NALCN: variants seen among roughly 807,000 people sequenced by gnomAD.
The protein encoded by NALCN is sodium leak channel NALCN.
In NALCN, 111 loss-of-function variants were observed where a neutral mutation model predicts 225.3. The ratio of observed to expected loss-of-function variants is 0.49; its 90% CI spans 0.42 to 0.58. NALCN has a LOEUF of 0.58. Ranked by LOEUF, NALCN falls within the 20% of genes least tolerant of loss-of-function variation. The pLI, the probability that NALCN is intolerant of heterozygous loss-of-function variation, is 0.00. For synonymous variants in NALCN, 764 were observed against 769.0 expected, an observed-to-expected ratio of 0.99 and a Z score of 0.11; for missense variants, 1,378 against 2,202.4, an observed-to-expected ratio of 0.63 and a Z score of 7.49.
intron 15 of NALCN, among the ~76,000 whole-genome samples, chr13:101,147,281 T>C (rs1212605602): frequency 6.6e-6 from 1 of 152,166 alleles, no homozygotes; most frequent in African/African-American, 2.4e-5. Flanking sequence ...CATTCTGCGG[T>C]TATTGCCATT....
chr13:101,082,720 G>A (rs2033721417), intron 33 of NALCN, 89 bp downstream of exon 33: 1 of 1,320,968 alleles, frequency 7.6e-7, no homozygotes, highest in South Asian at 1.2e-5. Context: ...GGAACACAGA[G>A]AGGAGAGTAA....
intron 6 of NALCN, among the ~76,000 whole-genome samples, chr13:101,346,904 C>T (rs554122165): frequency 5.6e-4 from 85 of 152,266 alleles, no homozygotes; most frequent in African/African-American, 1.9e-3. Flanking sequence ...TTTCCCACTA[C>T]ATCAATGTTT....
chr13:101,361,717 A>G (rs1486444211), intron 6 of NALCN, among the ~76,000 whole-genome samples: 3 of 152,206 alleles, frequency 2.0e-5, no homozygotes, highest in South Asian at 4.1e-4. Flanking sequence ...TATAAGTATT[A>G]AGTGAGAAAA....
chr13:101,057,365 T>A (rs2031391916), intron 43 of NALCN: 1 of 154,536 alleles, frequency 6.5e-6, no homozygotes, highest in South Asian at 2.0e-4. Context: ...GGACTGTTTA[T>A]TAAAGGATTG....
intron 18 of NALCN, among the ~76,000 whole-genome samples, chr13:101,114,129 G>A (rs1241414872): frequency 1.3e-5 from 2 of 152,162 alleles, no homozygotes; most frequent in Admixed American, 6.6e-5. Flanking sequence ...GAGAAGATGA[G>A]TTGAGAAAAC....
intron 7 of NALCN, among the ~76,000 whole-genome samples, chr13:101,311,124 T>C (rs1410303158): frequency 6.6e-6 from 1 of 150,588 alleles, no homozygotes; most frequent in Non-Finnish European, 1.5e-5. Flanking sequence ...TTGAAGCAAC[T>C]GTGAATGGGA....
intron 18 of NALCN, among the ~76,000 whole-genome samples, chr13:101,113,255 G>C (rs1468423227): frequency 6.6e-6 from 1 of 152,200 alleles, no homozygotes; most frequent in Non-Finnish European, 1.5e-5. Context: ...ACCGCAGATG[G>C]AAGTTATAAA....
At chr13:101,187,527 C>T (rs1267574944) in intron 14 of NALCN, among the ~76,000 whole-genome samples, 1 of 152,068 alleles carries the variant, frequency 6.6e-6, no homozygotes, top group Non-Finnish European at 1.5e-5. Context: ...TAATATCCAA[C>T]AAATATCCAA....
chr13:101,346,083 C>CTATATATA (rs1241006587), intron 6 of NALCN, among the ~76,000 whole-genome samples: 15 of 84,300 alleles, frequency 1.8e-4, no homozygotes, highest in African/African-American at 6.7e-4. Flanking sequence ...CTCTCTCTCT[C>CTATATATA]TCTCTATATA....
intron 1 of NALCN, among the ~76,000 whole-genome samples, chr13:101,412,012 G>A (rs1001829499): frequency 1.3e-5 from 2 of 152,076 alleles, no homozygotes; most frequent in African/African-American, 4.8e-5. Context: ...TCTCTTTGTG[G>A]ATAAGTAATT....
At position 101,111,186 on chromosome 13, in the gene NALCN, C is replaced by T; in HGVS notation, c.2233G>A (p.Gly745Arg). The T allele has an allele frequency of 6.2e-7, 1 of 1,608,186 alleles. No homozygotes were observed. The highest frequency in any genetic ancestry group is 8.5e-7 in the Non-Finnish European group (1 of 1,175,802). ...ATTGACCTCTCCTTTGCGGGCTGCCCCTCAAATGATCCGCTCAGCATGCGC... is the reference window on the plus strand; with the variant it reads ...ATTGACCTCTCCTTTGCGGGCTGCCTCTCAAATGATCCGCTCAGCATGCGC... The part of the protein sequence containing the change: ...RQRMLSGSFE[G>R]QPAKERSILS... Residue 745 changes from glycine to arginine, a missense_variant, in exon 19 of 44, where the codon GGG becomes AGG. Gly to Arg is a moderately radical substitution (Grantham distance 125). This residue lies in a region of NALCN where 66 missense variants were observed against 85.7 expected (regional missense o/e 0.77). Transcript: ENST00000251127.
At chr13:101,274,193 C>G (rs518266) in intron 10 of NALCN, among the ~76,000 whole-genome samples, 124,865 of 152,160 alleles carry the variant, frequency 0.82, 51,609 homozygotes, top group African/African-American at 0.91. Flanking sequence ...TGTTAGAACA[C>G]CTCTCTCACG....
intron 15 of NALCN, among the ~76,000 whole-genome samples, chr13:101,160,615 G>T (rs2139865157): frequency 6.6e-6 from 1 of 152,208 alleles, no homozygotes; most frequent in African/African-American, 2.4e-5. Flanking sequence ...TAATATGCAG[G>T]TGAGTTCTCC....
chr13:101,256,476 A>C (rs540845540), intron 11 of NALCN, among the ~76,000 whole-genome samples: 2 of 152,328 alleles, frequency 1.3e-5, no homozygotes, highest in East Asian at 3.9e-4. Context: ...CAGGGCTAAA[A>C]AGTCGCAGAG....
At chr13:101,130,193 C>T (rs1013379456) in intron 17 of NALCN, among the ~76,000 whole-genome samples, 9 of 147,780 alleles carry the variant, frequency 6.1e-5, no homozygotes, top group African/African-American at 2.3e-4. Context: ...ATCAAGAGCA[C>T]CAGGGATGCC....
rs367762216 is a variant in NALCN, at chr13:101,182,029, G to A, written c.1765-5655C>T. ...GGTGCCTGTAGTCCCAGTTACTCCGGAGGCTGAGGCAGGAGAATGGCGTGA... is the reference window on the plus strand; with the variant it reads ...GGTGCCTGTAGTCCCAGTTACTCCGAAGGCTGAGGCAGGAGAATGGCGTGA... On this transcript the variant is annotated intron_variant, in intron 14 of 43. Coordinates refer to ENST00000251127, the MANE Select transcript of NALCN (RefSeq NM_052867.4). 8.7e-5 allele frequency among the ~76,000 whole-genome samples: 13 copies of A among 149,504 alleles called. No individual in the cohort carries two copies. In the East Asian group the frequency reaches 2.6e-3, roughly 30 times the overall value.
At chr13:101,364,935 T>G (rs1392005234) in intron 6 of NALCN, among the ~76,000 whole-genome samples, 1 of 152,180 alleles carries the variant, frequency 6.6e-6, no homozygotes. Flanking sequence ...TGCATGAATT[T>G]GGGGCAATTA....
intron 6 of NALCN, among the ~76,000 whole-genome samples, chr13:101,346,985 T>C (rs1027456001): frequency 6.6e-6 from 1 of 152,116 alleles, no homozygotes; most frequent in Non-Finnish European, 1.5e-5. Context: ...CAAATTGAGG[T>C]AGACTTACCA....
chr13:101,348,838 T>C (rs561197232), intron 6 of NALCN, among the ~76,000 whole-genome samples: 1 of 152,312 alleles, frequency 6.6e-6, no homozygotes, highest in Admixed American at 6.5e-5. Context: ...CTGGAACACA[T>C]GTATCTAAAA....
Sources: allele counts gnomAD v4.1 joint callset (sites outside exome capture counted in the v4.1 genomes callset), GRCh38; gene constraint gnomAD v4.1.1; regional missense constraint gnomAD v4.1.1; transcripts MANE v1.5; gene names NCBI Gene and HGNC (gene_info 2026-07-23, HGNC 2026-07-21).